Variants in WWOX observed in about 807,000 individuals in gnomAD.
The protein encoded by WWOX is WW domain-containing oxidoreductase.
A neutral mutation model predicts 46.2 loss-of-function variants in WWOX; 69 were observed. That is an observed-to-expected ratio of 1.49 (90% CI 1.23 to 1.82). The LOEUF (loss-of-function observed/expected upper bound fraction) is 1.82. Ranked by LOEUF, WWOX falls within the 40% of genes most tolerant of loss-of-function variation. The pLI is 0.00. For synonymous variants in WWOX, 359 were observed against 202.6 expected (o/e 1.77, Z -6.56); for missense variants, 919 against 542.6 (o/e 1.69, Z -6.89).
At chr16:78,269,673 T>A (rs1839463769) in intron 5 of WWOX, among the ~76,000 whole-genome samples, 1 of 152,198 alleles carries the variant, frequency 6.6e-6, no homozygotes, top group African/African-American at 2.4e-5. Context: ...ATCAATTTGC[T>A]CCTCTAATTT....
chr16:78,373,166 A>T (rs11150069), intron 5 of WWOX, among the ~76,000 whole-genome samples: 1 of 151,930 alleles, frequency 6.6e-6, no homozygotes, highest in East Asian at 1.9e-4. Context: ...GCACACAATG[A>T]CATTTTAGCT....
chr16:79,209,975 G>C (rs565026214), intron 8 of WWOX, among the ~76,000 whole-genome samples: 9 of 152,320 alleles, frequency 5.9e-5, no homozygotes, highest in South Asian at 4.1e-4. Context: ...TGGCTATTTG[G>C]AGTGGGCATG....
intron 8 of WWOX, among the ~76,000 whole-genome samples, chr16:78,538,639 T>A (rs1457631376): frequency 6.6e-6 from 1 of 152,224 alleles, no homozygotes; most frequent in Admixed American, 6.5e-5. Context: ...AGACTTTGTG[T>A]TTCCTATGTT....
rs138886449 is a variant in WWOX at position 78,522,320 on chromosome 16, G to T, written c.1056+89568G>T. 2.1e-3 allele frequency among the ~76,000 whole-genome samples: 321 copies of T among 151,958 alleles called. 1 individual carries two copies. The highest frequency in any genetic ancestry group is 7.4e-3 in the African/African-American group (308 of 41,450). On this transcript the variant is annotated intron_variant, in intron 8 of 8. Coordinates refer to ENST00000566780, the MANE Select transcript of WWOX (RefSeq NM_016373.4). ...CACCATTTTGCTTAATTGAAGGCTT[G>T]CGGAACATTAAAGCACAACAAAAAC...
intron 8 of WWOX, among the ~76,000 whole-genome samples, chr16:79,202,317 ATTG>A (rs2051371126): frequency 6.6e-6 from 1 of 152,108 alleles, no homozygotes; most frequent in East Asian, 1.9e-4. Flanking sequence ...CAGTCTCCGT[ATTG>A]TTGAGATGGG....
chr16:78,208,217 G>C (rs1024915505), intron 5 of WWOX, among the ~76,000 whole-genome samples: 14 of 152,162 alleles, frequency 9.2e-5, no homozygotes, highest in Admixed American at 9.2e-4. Context: ...ATAAAGCTAG[G>C]GGATGGCGAA....
rs1387196271 is a variant in WWOX, at chr16:78,346,744, G to C, written c.517-40116G>C. Among the ~76,000 whole-genome samples the C allele has an allele frequency of 2.5e-5, 3 of 119,530 alleles. 1 individual carries two copies. Among genetic ancestry groups the C allele is most frequent in the Non-Finnish European group, 4.0e-5 (2 of 50,186 alleles). 78.4% of individuals were successfully genotyped at this position (119,530 alleles called of 152,430 possible). The stretch of plus-strand genomic sequence containing the variant: ...TTTTGAGATGGAGTCTCGCTCTGTT[G>C]CCCAGTCTGGAGAGCAGTGGTGTGA... On this transcript the variant is annotated intron_variant, in intron 5 of 8. Coordinates refer to ENST00000566780, the MANE Select transcript of WWOX (RefSeq NM_016373.4).
rs561237860 is a variant in WWOX, at chr16:78,648,320, G to T, written c.1056+215568G>T. Reference sequence around the variant, plus strand: ...TGCGAGGCCCTTGTTGTAAGGAAACGCTGGTGGGTGCTCACTCCTTCATCA... The same window carrying T: ...TGCGAGGCCCTTGTTGTAAGGAAACTCTGGTGGGTGCTCACTCCTTCATCA... On this transcript the variant is annotated intron_variant, in intron 8 of 8. Coordinates refer to ENST00000566780, the MANE Select transcript of WWOX (RefSeq NM_016373.4). Among the ~76,000 whole-genome samples the T allele has an allele frequency of 3.9e-5, 6 of 152,308 alleles. No homozygotes were observed. In the South Asian group the frequency reaches 1.2e-3, roughly 32 times the overall value.
chr16:79,032,122 G>GTA (rs1159528060), intron 8 of WWOX, among the ~76,000 whole-genome samples: 3 of 143,846 alleles, frequency 2.1e-5, no homozygotes, highest in South Asian at 2.1e-4. Flanking sequence ...ATAAATATGT[G>GTA]TATATATATA....
At chr16:78,916,022 A>C (rs2045242750) in intron 8 of WWOX, among the ~76,000 whole-genome samples, 1 of 152,188 alleles carries the variant, frequency 6.6e-6, no homozygotes, top group South Asian at 2.1e-4. Flanking sequence ...CTAATTAGGG[A>C]AAGGGAATTT....
chr16:78,601,881 G>C (rs934467669), intron 8 of WWOX, among the ~76,000 whole-genome samples: 34 of 152,142 alleles, frequency 2.2e-4, no homozygotes, highest in African/African-American at 7.5e-4. Flanking sequence ...CCTGTTTTAA[G>C]TGCCGAGCTG....
At chr16:78,653,433 A>G (rs57417567) in intron 8 of WWOX, among the ~76,000 whole-genome samples, 8,791 of 152,356 alleles carry the variant, frequency 0.058, 346 homozygotes, top group South Asian at 0.18. Context: ...GTCTAAGCCC[A>G]TAATGCTGTG....
At chr16:78,258,733 A>G (rs1436986372) in intron 5 of WWOX, among the ~76,000 whole-genome samples, 11 of 130,994 alleles carry the variant, frequency 8.4e-5, no homozygotes, top group Admixed American at 7.5e-4. Context: ...AAAAAAAAAA[A>G]GGGCATATTC....
At chr16:78,557,856 C>T (rs921743472) in intron 8 of WWOX, among the ~76,000 whole-genome samples, 4 of 151,860 alleles carry the variant, frequency 2.6e-5, no homozygotes, top group Admixed American at 1.3e-4. Context: ...CCACCATACC[C>T]AGCTAATTTT....
At chr16:79,104,308 T>C (rs6564646) in intron 8 of WWOX, among the ~76,000 whole-genome samples, 17,909 of 152,202 alleles carry the variant, frequency 0.12, 1,149 homozygotes, top group East Asian at 0.17. Context: ...TATCATCTGC[T>C]ATTACTGTTA....
In WWOX at chr16:78,528,141, G is replaced by T. The variant is rs570817444; in HGVS notation, c.1056+95389G>T. On this transcript the variant is annotated intron_variant, in intron 8 of 8. Transcript: ENST00000566780. ...AGCCTCCCGAGTAGCTGGGACTACAGGTGCCCGCCACCACACCTGGCTAAT... is the reference window on the plus strand; with the variant it reads ...AGCCTCCCGAGTAGCTGGGACTACATGTGCCCGCCACCACACCTGGCTAAT... Among the ~76,000 whole-genome samples the T allele has an allele frequency of 4.2e-5, 6 of 144,242 alleles. No individual in the cohort carries two copies. In the East Asian group the frequency reaches 1.2e-3, roughly 29 times the overall value. 94.6% of individuals were successfully genotyped at this position (144,242 alleles called of 152,430 possible).
intron 8 of WWOX, among the ~76,000 whole-genome samples, chr16:78,668,510 G>T (rs16948273): frequency 0.24 from 36,541 of 152,048 alleles, 6,718 homozygotes; most frequent in African/African-American, 0.52. Context: ...GGGAACAGTT[G>T]AGTAAGAACA....
intron 5 of WWOX, among the ~76,000 whole-genome samples, chr16:78,354,386 T>C (rs2081243609): frequency 6.9e-6 from 1 of 144,496 alleles, no homozygotes; most frequent in African/African-American, 2.6e-5. Context: ...GTCAAATGAC[T>C]TTCCAGAGGG....
chr16:78,794,144 G>A (rs1302045864), intron 8 of WWOX, among the ~76,000 whole-genome samples: 1 of 152,058 alleles, frequency 6.6e-6, no homozygotes, highest in African/African-American at 2.4e-5. Flanking sequence ...TTGCATGAGT[G>A]CCCTTATAAA....
Sources: allele counts gnomAD v4.1 joint callset (sites outside exome capture counted in the v4.1 genomes callset), GRCh38; gene constraint gnomAD v4.1.1; transcripts MANE v1.5; gene names NCBI Gene and HGNC (gene_info 2026-07-23, HGNC 2026-07-21).